Variants in VPS13B observed in about 807,000 individuals in gnomAD.
VPS13B encodes the protein intermembrane lipid transfer protein VPS13B.
A neutral mutation model predicts 426.4 loss-of-function variants in VPS13B; 285 were observed. That is an observed-to-expected ratio of 0.67 (90% CI 0.61 to 0.74). The LOEUF (loss-of-function observed/expected upper bound fraction) is 0.74. Among genes scored for constraint, VPS13B ranks in the 30% least tolerant of loss-of-function variants. The pLI is 0.00. For synonymous variants in VPS13B, 1,676 were observed against 1,676.4 expected (o/e 1.00, Z 0.01); for missense variants, 4,537 against 4,782.6 (o/e 0.95, Z 1.51).
At position 99,141,612 on chromosome 8, in the gene VPS13B, CA is replaced by C. The variant is rs1810425874; in HGVS notation, c.1652-1358del. Among the ~76,000 whole-genome samples, 5 of 152,178 alleles carry C rather than the reference CA, an allele frequency of 3.3e-5. No individual in the cohort carries two copies. The South Asian group carries it at 1.0e-3, about 32-fold the overall frequency. On this transcript the variant is annotated intron_variant, in intron 12 of 61. Coordinates refer to ENST00000357162, the MANE Select transcript of VPS13B (RefSeq NM_152564.5). ...GAGTCAGTATTAATCATACATCTTA[CA>C]AAATATGTATAAGATTAATTTTGTA...
intron 3 of VPS13B, among the ~76,000 whole-genome samples, chr8:99,052,544 A>G (rs891000727): frequency 4.4e-5 from 6 of 136,180 alleles, no homozygotes; most frequent in African/African-American, 1.6e-4. Context: ...TGCTGGCCTC[A>G]TAAAATGAGT....
intron 35 of VPS13B, among the ~76,000 whole-genome samples, chr8:99,667,549 G>T (rs1420531601): frequency 6.6e-6 from 1 of 152,106 alleles, no homozygotes; most frequent in African/African-American, 2.4e-5. Flanking sequence ...TATCAGCTGT[G>T]TGTGACTTCT....
At chr8:99,760,305 GTCTATAGTA>G (rs1810863014) in intron 39 of VPS13B, among the ~76,000 whole-genome samples, 1 of 152,042 alleles carries the variant, frequency 6.6e-6, no homozygotes. Context: ...TTATTCCGTT[GTCTATAGTA>G]TCCAAAATCT....
At position 99,428,291 on chromosome 8, in the gene VPS13B, T is replaced by C. The variant is rs573519582; in HGVS notation, c.3083-3246T>C. ...CAGAAGCCAAAAGTGACAAATGGGATCTAATTAAACTAAAGAGCTTCTGCA... is the reference window on the plus strand; with the variant it reads ...CAGAAGCCAAAAGTGACAAATGGGACCTAATTAAACTAAAGAGCTTCTGCA... On this transcript the variant is annotated intron_variant, in intron 21 of 61. Coordinates refer to ENST00000357162, the MANE Select transcript of VPS13B (RefSeq NM_152564.5). Among the ~76,000 whole-genome samples, 136 of 152,102 alleles carry C rather than the reference T, an allele frequency of 8.9e-4. 2 individuals are homozygous for C. Among genetic ancestry groups the C allele is most frequent in the African/African-American group, 3.2e-3 (133 of 41,474 alleles).
chr8:99,735,519 C>G (rs190106625), intron 39 of VPS13B, among the ~76,000 whole-genome samples: 8 of 152,252 alleles, frequency 5.3e-5, no homozygotes, highest in Non-Finnish European at 7.4e-5. Context: ...CCTGGGATTG[C>G]TGGGAGCCAC....
rs770911132 is a variant in VPS13B at position 99,861,881 on chromosome 8, A to G, written c.11150A>G (p.Gln3717Arg). 1 of 1,594,130 alleles carries G rather than the reference A, an allele frequency of 6.3e-7. No individual in the cohort carries two copies. Residue 3717 changes from glutamine to arginine, a missense_variant, in exon 58 of 62, where the codon CAG becomes CGG. Transcript: ENST00000357162. The stretch of plus-strand genomic sequence containing the variant: ...AACCGGCAGGAGGAGTGGCGGCGGC[A>G]GCTCCCCGAGAGCCTGGGCGAGGGG... ...HYNRQEEWRR[Q>R]LPESLGEGLR...
At chr8:99,047,478 G>A (rs763096460) in intron 3 of VPS13B, among the ~76,000 whole-genome samples, 24 of 151,880 alleles carry the variant, frequency 1.6e-4, no homozygotes, top group Admixed American at 5.9e-4. Context: ...TAAAGAACCA[G>A]CTTTTTGTTT....
At chr8:99,492,342 C>T (rs1820651656) in intron 25 of VPS13B, among the ~76,000 whole-genome samples, 1 of 152,218 alleles carries the variant, frequency 6.6e-6, no homozygotes, top group Non-Finnish European at 1.5e-5. Flanking sequence ...CTTGAAGAGG[C>T]AGTCTGTCCG....
Position 99,817,697 on chromosome 8 carries a change from A to G in VPS13B, c.8255A>G (p.Glu2752Gly), listed in dbSNP as rs1563488856. ...CAGAAATTGCCTTCGTACATACTAG[A>G]AAACAATGAACTGACGGAGCTGTGT... Reference protein sequence around the residue: ...AKQKLPSYILENNELTELCVK... With the variant: ...AKQKLPSYILGNNELTELCVK... The change falls in exon 45 of 62, where the codon GAA becomes GGA. Residue 2752 changes from glutamate (E) to glycine (G), a missense_variant. Glu to Gly is a moderately conservative substitution (Grantham distance 98, BLOSUM62 -2). This residue lies in a region of VPS13B where 4,311 missense variants were observed against 4,474.3 expected (regional missense o/e 0.96). Coordinates refer to ENST00000357162, the MANE Select transcript of VPS13B (RefSeq NM_152564.5). 9 of 1,614,112 alleles carry G rather than the reference A, an allele frequency of 5.6e-6. No individual in the cohort carries two copies. The highest frequency in any genetic ancestry group is 7.6e-6 in the Non-Finnish European group (9 of 1,179,988).
intron 21 of VPS13B, among the ~76,000 whole-genome samples, chr8:99,430,704 C>T (rs1368511425): frequency 7.2e-6 from 1 of 139,680 alleles, no homozygotes; most frequent in Non-Finnish European, 1.5e-5. Context: ...CAAAATCCAC[C>T]CCCCCCCCAA....
intron 21 of VPS13B, among the ~76,000 whole-genome samples, chr8:99,426,058 C>T (rs1293340366): frequency 1.6e-5 from 2 of 125,022 alleles, no homozygotes; most frequent in Non-Finnish European, 3.3e-5. Flanking sequence ...CTATCCCTCC[C>T]CCCCTCCCCC....
chr8:99,232,687 G>A (rs1816404436), intron 17 of VPS13B, among the ~76,000 whole-genome samples: 1 of 152,140 alleles, frequency 6.6e-6, no homozygotes, highest in East Asian at 1.9e-4. Flanking sequence ...CACAAAAAAG[G>A]GTGTGCATTT....
intron 35 of VPS13B, chr8:99,697,553 T>C: frequency 1.4e-6 from 1 of 706,028 alleles, no homozygotes; most frequent in Non-Finnish European, 2.6e-6. Context: ...CGTGCAGGAC[T>C]ACAGCGAGAA....
intron 3 of VPS13B, among the ~76,000 whole-genome samples, chr8:99,076,013 T>C (rs1032888227): frequency 6.6e-6 from 1 of 152,206 alleles, no homozygotes; most frequent in African/African-American, 2.4e-5. Flanking sequence ...TAAACTTTCC[T>C]CTTAGTATCG....
chr8:99,198,936 G>A (rs1588133975), intron 17 of VPS13B, among the ~76,000 whole-genome samples: 1 of 151,696 alleles, frequency 6.6e-6, no homozygotes. Flanking sequence ...AAAGATCCAC[G>A]AAATGTGTAT....
chr8:99,299,000 G>A (rs527725905), intron 19 of VPS13B, among the ~76,000 whole-genome samples: 1 of 148,422 alleles, frequency 6.7e-6, no homozygotes, highest in African/African-American at 2.5e-5. Context: ...GTGATCTGGA[G>A]TTTCAGTCCT....
chr8:99,797,573 T>C (rs1812914311), intron 43 of VPS13B, among the ~76,000 whole-genome samples: 1 of 152,206 alleles, frequency 6.6e-6, no homozygotes, highest in African/African-American at 2.4e-5. Context: ...TGCCTCAATA[T>C]ACTGTCAATT....
intron 31 of VPS13B, among the ~76,000 whole-genome samples, chr8:99,574,991 C>CT (rs570420818): frequency 3.2e-4 from 48 of 152,118 alleles, no homozygotes; most frequent in African/African-American, 1.1e-3. Flanking sequence ...TGAGGAGACT[C>CT]TGTCTCTAGA....
intron 19 of VPS13B, among the ~76,000 whole-genome samples, chr8:99,375,390 T>C (rs1348539329): frequency 6.6e-6 from 1 of 152,238 alleles, no homozygotes; most frequent in African/African-American, 2.4e-5. Context: ...ATAGATTACA[T>C]GGCTCGTTGT....
Sources: gnomAD v4.1 joint callset for allele counts (sites outside exome capture counted in the v4.1 genomes callset) on GRCh38, gnomAD v4.1.1 for gene constraint, gnomAD v4.1.1 regional missense constraint, MANE v1.5 for transcripts, NCBI Gene and HGNC (gene_info 2026-07-23, HGNC 2026-07-21) for gene names.